The following RAD51B variants were observed in gnomAD, a reference collection of about 807,000 sequenced individuals.
The protein encoded by RAD51B is RAD51 paralog B, also known as DNA repair protein RAD51 homolog 2.
Under a neutral mutation model 42.2 loss-of-function variants are expected in RAD51B, and 38 were observed. That is an observed-to-expected ratio of 0.90 (90% CI 0.70 to 1.18). The LOEUF is 1.18. RAD51B is among the 50% of genes most tolerant of loss of function. RAD51B has a pLI of 0.00. For synonymous variants in RAD51B, 154 were observed against 145.2 expected, an observed-to-expected ratio of 1.06 and a Z score of -0.43; for missense variants, 373 against 400.7, an observed-to-expected ratio of 0.93 and a Z score of 0.59.
chr14:68,307,176 A>G (rs1456526792), intron 8 of RAD51B, among the ~76,000 whole-genome samples: 11 of 152,104 alleles, frequency 7.2e-5, no homozygotes, highest in Non-Finnish European at 1.3e-4. Flanking sequence ...CCAAGCCCCT[A>G]GGCCCTGATC....
In RAD51B at chr14:68,540,520, AC is replaced by A. The variant is rs147121990; in HGVS notation, c.1037-53964del. On this transcript the variant is annotated intron_variant, in intron 10 of 10. Transcript: ENST00000487270. ...GCTTGTTCCCTCATTTCTCTAGGTA[AC>A]ATGTACTACTAGTGGGATCATCAAA... The A allele has an allele frequency of 7.9e-4, 777 of 985,322 alleles. 7 individuals are homozygous for A. In the African/African-American group the frequency reaches 0.013, roughly 17 times the overall value. The allele number at this position is 985,322 out of a possible 1,614,324, so 61.0% of individuals were successfully genotyped here.
chr14:68,092,259 G>A (rs909761156), intron 7 of RAD51B, among the ~76,000 whole-genome samples: 11 of 152,196 alleles, frequency 7.2e-5, no homozygotes, highest in African/African-American at 2.7e-4. Context: ...GCTTGATGGG[G>A]ATGGCATTGA....
chr14:68,382,753 C>G (rs1336427509), intron 8 of RAD51B, among the ~76,000 whole-genome samples: 1 of 152,100 alleles, frequency 6.6e-6, no homozygotes, highest in Non-Finnish European at 1.5e-5. Flanking sequence ...CCTGGCTACT[C>G]TAAAAGTCAC....
intron 7 of RAD51B, among the ~76,000 whole-genome samples, chr14:68,014,255 T>G (rs2075737539): frequency 6.6e-6 from 1 of 151,876 alleles, no homozygotes; most frequent in Non-Finnish European, 1.5e-5. Flanking sequence ...TTGTATGAGT[T>G]ATTGTTGGAC....
At chr14:67,882,385 G>C (rs1331662433) in intron 5 of RAD51B, among the ~76,000 whole-genome samples, 1 of 152,050 alleles carries the variant, frequency 6.6e-6, no homozygotes, top group Non-Finnish European at 1.5e-5. Context: ...CTAGGCTTTG[G>C]GGAATCCCAG....
chr14:68,225,834 C>A (rs975644017), intron 7 of RAD51B, among the ~76,000 whole-genome samples: 2 of 152,092 alleles, frequency 1.3e-5, no homozygotes, highest in African/African-American at 4.8e-5. Flanking sequence ...GCTTAAACTG[C>A]AATATGAGGG....
intron 7 of RAD51B, among the ~76,000 whole-genome samples, chr14:67,909,901 C>T (rs569186297): frequency 1.3e-5 from 2 of 152,254 alleles, no homozygotes; most frequent in South Asian, 4.1e-4. Context: ...AGCCATCCTC[C>T]CATCTTGGCC....
intron 7 of RAD51B, among the ~76,000 whole-genome samples, chr14:68,273,180 G>C (rs1158606176): frequency 6.6e-6 from 1 of 152,044 alleles, no homozygotes; most frequent in Non-Finnish European, 1.5e-5. Flanking sequence ...GAGATTAACT[G>C]GTGGTTATGA....
At chr14:67,963,158 C>T (rs2074704129) in intron 7 of RAD51B, among the ~76,000 whole-genome samples, 5 of 152,048 alleles carry the variant, frequency 3.3e-5, no homozygotes, top group African/African-American at 2.4e-5. Flanking sequence ...AATATAATCT[C>T]ATCCCAGAAA....
At chr14:68,533,783 A>G (rs761694661) in intron 10 of RAD51B, among the ~76,000 whole-genome samples, 2 of 152,254 alleles carry the variant, frequency 1.3e-5, no homozygotes, top group Non-Finnish European at 2.9e-5. Flanking sequence ...GACTGCAGTC[A>G]TAGATTTAAA....
At chr14:67,974,576 G>A (rs796685042) in intron 7 of RAD51B, among the ~76,000 whole-genome samples, 23 of 152,160 alleles carry the variant, frequency 1.5e-4, no homozygotes, top group African/African-American at 5.5e-4. Flanking sequence ...TTGTCATAAG[G>A]AGGGTATAGG....
At chr14:68,133,543 C>T (rs2767367) in intron 7 of RAD51B, among the ~76,000 whole-genome samples, 105,678 of 151,994 alleles carry the variant, frequency 0.7, 39,501 homozygotes, top group East Asian at 0.89. Context: ...GTGATCTTGG[C>T]TTACTGCAAC....
intron 7 of RAD51B, among the ~76,000 whole-genome samples, chr14:67,946,989 G>T (rs537106425): frequency 5.9e-5 from 9 of 152,088 alleles, no homozygotes; most frequent in South Asian, 4.1e-4. Flanking sequence ...TAATATATTT[G>T]ATAAAATAGT....
intron 10 of RAD51B, among the ~76,000 whole-genome samples, chr14:68,629,548 A>C (rs1892176840): frequency 6.6e-6 from 1 of 152,208 alleles, no homozygotes; most frequent in Non-Finnish European, 1.5e-5. Context: ...CAAAGCTTTC[A>C]TACCCTCAGC....
At chr14:68,281,995 T>G (rs916636521) in intron 7 of RAD51B, among the ~76,000 whole-genome samples, 1 of 151,418 alleles carries the variant, frequency 6.6e-6, no homozygotes. Context: ...TTTTTTTTTC[T>G]TTTGAGATGG....
chr14:68,163,335 C>T (rs954164168), intron 7 of RAD51B, among the ~76,000 whole-genome samples: 9 of 152,180 alleles, frequency 5.9e-5, no homozygotes, highest in African/African-American at 1.4e-4. Flanking sequence ...AAGTCCATTC[C>T]TTTCTCTGGT....
intron 10 of RAD51B, among the ~76,000 whole-genome samples, chr14:68,606,667 G>A (rs1317651612): frequency 6.6e-6 from 1 of 152,142 alleles, no homozygotes. Flanking sequence ...AAGAGGGTGG[G>A]AGCCAATCTG....
chr14:68,512,573 C>T (rs939553120), intron 10 of RAD51B, among the ~76,000 whole-genome samples: 1 of 152,110 alleles, frequency 6.6e-6, no homozygotes, highest in Admixed American at 6.5e-5. Flanking sequence ...CCTAAGCCCA[C>T]CTCTGCCCTG....
intron 7 of RAD51B, among the ~76,000 whole-genome samples, chr14:67,944,094 G>T (rs369391278): frequency 6.0e-4 from 91 of 152,204 alleles, no homozygotes; most frequent in African/African-American, 2.0e-3. Context: ...GTACAGCCAG[G>T]GGGAGTGGGG....
Sources: gnomAD v4.1 joint callset for allele counts (sites outside exome capture counted in the v4.1 genomes callset) on GRCh38, gnomAD v4.1.1 for gene constraint, MANE v1.5 for transcripts, NCBI Gene and HGNC (gene_info 2026-07-23, HGNC 2026-07-21) for gene names.